GFRA2: variants seen among roughly 807,000 people sequenced by gnomAD.
GFRA2 encodes the protein GDNF family receptor alpha-2.
A neutral mutation model predicts 48.3 loss-of-function variants in GFRA2; 17 were observed. That is an observed-to-expected ratio of 0.35 (90% CI 0.24 to 0.53). The LOEUF (loss-of-function observed/expected upper bound fraction) is 0.53, where lower values mean the gene tolerates loss of function less well. Among genes scored for constraint, GFRA2 ranks in the 20% least tolerant of loss-of-function variants. GFRA2 has a pLI of 0.93. For missense variants in GFRA2, 660 were observed against 637.3 expected, an observed-to-expected ratio of 1.04 and a Z score of -0.38; for synonymous variants, 305 against 257.2, an observed-to-expected ratio of 1.19 and a Z score of -1.78.
chr8:21,776,605 G>A (rs1806720376), intron 2 of GFRA2, among the ~76,000 whole-genome samples: 1 of 151,846 alleles, frequency 6.6e-6, no homozygotes, highest in Non-Finnish European at 1.5e-5. Flanking sequence ...CAAGTAGCTG[G>A]GATTACAGGC....
chr8:21,711,691 T>TTTTTTTTTTTTC (rs1803038866), intron 4 of GFRA2, among the ~76,000 whole-genome samples: 1 of 151,134 alleles, frequency 6.6e-6, no homozygotes, highest in Non-Finnish European at 1.5e-5. Flanking sequence ...AGTTTTTCTT[T>TTTTTTTTTTTTC]TTTTTTTTTT....
chr8:21,738,447 T>C (rs1804590617), intron 4 of GFRA2, among the ~76,000 whole-genome samples: 1 of 151,724 alleles, frequency 6.6e-6, no homozygotes, highest in Non-Finnish European at 1.5e-5. Flanking sequence ...AGGGAGTCTC[T>C]GTCTCCAGCC....
chr8:21,765,428 C>T (rs1161934773), intron 3 of GFRA2, among the ~76,000 whole-genome samples: 5 of 151,910 alleles, frequency 3.3e-5, no homozygotes, highest in African/African-American at 1.2e-4. Flanking sequence ...CCTTTCTTGA[C>T]ACTTCTACTT....
At chr8:21,742,738 T>G (rs1408971158) in intron 4 of GFRA2, among the ~76,000 whole-genome samples, 1 of 152,174 alleles carries the variant, frequency 6.6e-6, no homozygotes, top group Non-Finnish European at 1.5e-5. Context: ...ATTCTCCCTG[T>G]GTAAGTGACC....
intron 1 of GFRA2, among the ~76,000 whole-genome samples, chr8:21,787,364 T>G (rs1807334794): frequency 6.6e-6 from 1 of 151,728 alleles, no homozygotes; most frequent in Non-Finnish European, 1.5e-5. Context: ...GAAAGCAAAC[T>G]TTGGCCTCCC....
chr8:21,723,533 G>A (rs1209126565), intron 4 of GFRA2, among the ~76,000 whole-genome samples: 1 of 152,232 alleles, frequency 6.6e-6, no homozygotes, highest in Non-Finnish European at 1.5e-5. Flanking sequence ...ATTCCCCAGA[G>A]AGCCTGGATA....
chr8:21,709,745 G>C (rs1213458633), intron 4 of GFRA2, among the ~76,000 whole-genome samples: 1 of 152,170 alleles, frequency 6.6e-6, no homozygotes, highest in Non-Finnish European at 1.5e-5. Context: ...CCAGTGCACA[G>C]GGAGCCTTGC....
chr8:21,757,086 A>T (rs548053615), intron 3 of GFRA2, among the ~76,000 whole-genome samples: 3 of 152,246 alleles, frequency 2.0e-5, no homozygotes, highest in Admixed American at 2.0e-4. Context: ...TGGCTTCTTC[A>T]TCTCCTCCCC....
rs1332475305 is a variant in GFRA2 at position 21,782,470 on chromosome 8, G to C, written c.355+115C>G. On this transcript the variant is annotated intron_variant, in intron 2 of 8. Coordinates refer to ENST00000524240, the MANE Select transcript of GFRA2 (RefSeq NM_001495.5). ...GGTTCCCCTAGCAGGTAGACATAGA[G>C]AGCTGGCCAGTTTGCGCCACCACCT... is the stretch of plus-strand genomic sequence containing the variant. 2.3e-5 allele frequency: 17 copies of C among 755,282 alleles called. No homozygotes were observed. In the Admixed American group the frequency reaches 2.4e-4, roughly 11 times the overall value. The allele number at this position is 755,282 out of a possible 1,614,324, so 46.8% of individuals were successfully genotyped here.
intron 3 of GFRA2, among the ~76,000 whole-genome samples, chr8:21,759,467 AGGG>A: frequency 1.9e-5 from 2 of 106,992 alleles, no homozygotes; most frequent in Non-Finnish European, 1.9e-5. Context: ...GGAGGGAGGG[AGGG>A]AGGGAAAGAA....
At chr8:21,696,203 C>T (rs898213515) in intron 7 of GFRA2, among the ~76,000 whole-genome samples, 2 of 140,406 alleles carry the variant, frequency 1.4e-5, no homozygotes, top group Non-Finnish European at 3.1e-5. Flanking sequence ...TCCCTCTGTC[C>T]TCTCCCCTCT....
intron 3 of GFRA2, chr8:21,769,236 G>GCCCCAGCCCCC: frequency 2.1e-6 from 2 of 938,878 alleles, no homozygotes; most frequent in Non-Finnish European, 2.5e-6. Flanking sequence ...CCGAAGTCTG[G>GCCCCAGCCCCC]CCCCAGCCCC....
At chr8:21,765,545 A>T (rs1806111893) in intron 3 of GFRA2, among the ~76,000 whole-genome samples, 1 of 150,934 alleles carries the variant, frequency 6.6e-6, no homozygotes, top group Non-Finnish European at 1.5e-5. Context: ...ACCCAGCCTC[A>T]CTCTCCTGAC....
At chr8:21,708,614 G>A (rs556203797) in intron 4 of GFRA2, among the ~76,000 whole-genome samples, 55 of 152,304 alleles carry the variant, frequency 3.6e-4, no homozygotes, top group African/African-American at 1.2e-3. Flanking sequence ...AGGTCACAGT[G>A]GATTAGGGTG....
intron 4 of GFRA2, among the ~76,000 whole-genome samples, chr8:21,711,473 C>A (rs751811959): frequency 5.3e-5 from 8 of 152,110 alleles, no homozygotes; most frequent in East Asian, 1.9e-4. Context: ...CCTCTCTGGG[C>A]GTGTTTCCTT....
At chr8:21,796,276 C>T (rs1807674888) in intron 2 of GFRA2, among the ~76,000 whole-genome samples, 1 of 152,224 alleles carries the variant, frequency 6.6e-6, no homozygotes, top group Non-Finnish European at 1.5e-5. Flanking sequence ...TCTGGGCACA[C>T]ACGCCCACCT....
intron 4 of GFRA2, among the ~76,000 whole-genome samples, chr8:21,741,244 C>G (rs537710052): frequency 6.6e-6 from 1 of 152,168 alleles, no homozygotes. Context: ...TCTCTCTGAG[C>G]CCCGCTGCCC....
At chr8:21,700,252 A>C (rs1585224863) in intron 7 of GFRA2, among the ~76,000 whole-genome samples, 1 of 81,190 alleles carries the variant, frequency 1.2e-5, no homozygotes, top group East Asian at 4.1e-4. Context: ...GTATATATTT[A>C]ATATACCAGA....
At chr8:21,705,181 G>C (rs1802680800) in intron 5 of GFRA2, 56 bp from the exon 6 acceptor site, 2 of 1,551,310 alleles carry the variant, frequency 1.3e-6, no homozygotes, top group African/African-American at 1.4e-5. Context: ...CCTTCCCCTT[G>C]GGCCCACAGA....
Sources: gnomAD v4.1 joint callset for allele counts (sites outside exome capture counted in the v4.1 genomes callset) on GRCh38, gnomAD v4.1.1 for gene constraint, MANE v1.5 for transcripts, NCBI Gene and HGNC (gene_info 2026-07-23, HGNC 2026-07-21) for gene names.